Variants in CAMK1D observed in about 807,000 individuals in gnomAD.
CAMK1D encodes the protein calcium/calmodulin-dependent protein kinase type 1D.
In CAMK1D, 9 loss-of-function variants were observed where a neutral mutation model predicts 47.7. That is an observed-to-expected ratio of 0.19 (90% confidence interval 0.11 to 0.33). CAMK1D has a LOEUF of 0.33. CAMK1D is among the 10% of genes least tolerant of loss of function. The pLI is 1.00. For missense variants in CAMK1D, 291 were observed against 488.7 expected (o/e 0.60, Z 3.81); for synonymous variants, 184 against 184.9 (o/e 0.99, Z 0.04).
chr10:12,800,581 T>C (rs142119341), intron 6 of CAMK1D, among the ~76,000 whole-genome samples: 1 of 152,230 alleles, frequency 6.6e-6, no homozygotes, highest in African/African-American at 2.4e-5. Flanking sequence ...CAGACCCCCA[T>C]TGGGCCTGGG....
At chr10:12,363,672 T>G (rs1264044079) in intron 1 of CAMK1D, among the ~76,000 whole-genome samples, 1 of 151,040 alleles carries the variant, frequency 6.6e-6, no homozygotes, top group Non-Finnish European at 1.5e-5. Context: ...AAGGTTTTTT[T>G]TTTTTTTTTT....
intron 1 of CAMK1D, among the ~76,000 whole-genome samples, chr10:12,407,066 T>C (rs1839459384): frequency 6.6e-6 from 1 of 152,174 alleles, no homozygotes; most frequent in Non-Finnish European, 1.5e-5. Flanking sequence ...CTTCTCCTCT[T>C]CCTCTGTCCC....
At chr10:12,467,868 T>C (rs1407317520) in intron 1 of CAMK1D, among the ~76,000 whole-genome samples, 1 of 152,214 alleles carries the variant, frequency 6.6e-6, no homozygotes. Flanking sequence ...TTAAATGGAA[T>C]TTTTTATTGA....
chr10:12,392,645 G>A (rs1238155178), intron 1 of CAMK1D, among the ~76,000 whole-genome samples: 1 of 152,088 alleles, frequency 6.6e-6, no homozygotes, highest in African/African-American at 2.4e-5. Flanking sequence ...TAACATACTT[G>A]TTTTGTAGTG....
intron 1 of CAMK1D, among the ~76,000 whole-genome samples, chr10:12,469,015 GA>G (rs1833673082): frequency 6.6e-6 from 1 of 152,132 alleles, no homozygotes; most frequent in East Asian, 1.9e-4. Context: ...CAAGGTGGGG[GA>G]TTCACATGGA....
At chr10:12,394,554 C>A (rs963408245) in intron 1 of CAMK1D, among the ~76,000 whole-genome samples, 1 of 152,072 alleles carries the variant, frequency 6.6e-6, no homozygotes, top group African/African-American at 2.4e-5. Flanking sequence ...TTCCTTTCAC[C>A]CCATCACTCC....
At chr10:12,514,068 G>A (rs1344757215) in intron 1 of CAMK1D, among the ~76,000 whole-genome samples, 1 of 152,190 alleles carries the variant, frequency 6.6e-6, no homozygotes, top group Non-Finnish European at 1.5e-5. Flanking sequence ...AGAGAGAACA[G>A]AGTTTCCCTG....
chr10:12,473,453 A>G (rs941992158), intron 1 of CAMK1D, among the ~76,000 whole-genome samples: 3 of 152,132 alleles, frequency 2.0e-5, no homozygotes, highest in Non-Finnish European at 4.4e-5. Flanking sequence ...AAAAAACTGT[A>G]ACAATAATGA....
At chr10:12,731,020 G>A (rs1834858559) in intron 3 of CAMK1D, among the ~76,000 whole-genome samples, 2 of 152,146 alleles carry the variant, frequency 1.3e-5, no homozygotes, top group African/African-American at 4.8e-5. Context: ...GCTGGCAGGG[G>A]AAATGAGATC....
chr10:12,417,317 G>A (rs553088998), intron 1 of CAMK1D, among the ~76,000 whole-genome samples: 1 of 152,296 alleles, frequency 6.6e-6, no homozygotes, highest in South Asian at 2.1e-4. Context: ...CTACACTGTG[G>A]ATTTGGGTGA....
intron 1 of CAMK1D, among the ~76,000 whole-genome samples, chr10:12,524,128 G>A (rs1056016399): frequency 9.3e-5 from 14 of 151,226 alleles, no homozygotes; most frequent in African/African-American, 3.2e-4. Flanking sequence ...TCCTGACATC[G>A]TAATTTTTTG....
chr10:12,566,540 G>C (rs1646393289), intron 2 of CAMK1D, among the ~76,000 whole-genome samples: 2 of 152,200 alleles, frequency 1.3e-5, no homozygotes, highest in African/African-American at 4.8e-5. Context: ...ATTAGAACTA[G>C]AAAAGGAACT....
At chr10:12,612,356 T>C (rs1243009682) in intron 2 of CAMK1D, among the ~76,000 whole-genome samples, 2 of 151,220 alleles carry the variant, frequency 1.3e-5, no homozygotes, top group South Asian at 2.1e-4. Flanking sequence ...TTTTTTTTTT[T>C]TTTGAGACAG....
intron 1 of CAMK1D, among the ~76,000 whole-genome samples, chr10:12,488,868 G>A (rs898664756): frequency 6.6e-6 from 1 of 152,212 alleles, no homozygotes; most frequent in African/African-American, 2.4e-5. Context: ...GGGATGGGGA[G>A]CGGCTGTAAA....
chr10:12,369,944 A>C (rs1408800568), intron 1 of CAMK1D, among the ~76,000 whole-genome samples: 1 of 150,696 alleles, frequency 6.6e-6, no homozygotes, highest in Non-Finnish European at 1.5e-5. Flanking sequence ...TAACAGAGTG[A>C]GACTCTGTCT....
intron 2 of CAMK1D, 102 bp downstream of exon 2, chr10:12,553,458 C>T (rs751503100): frequency 5.5e-6 from 5 of 915,226 alleles, no homozygotes; most frequent in Admixed American, 2.1e-5. Context: ...GGCAGAGGGG[C>T]CCCCAGAGGA....
intron 2 of CAMK1D, among the ~76,000 whole-genome samples, chr10:12,569,364 T>C (rs1697848068): frequency 6.6e-6 from 1 of 152,192 alleles, no homozygotes; most frequent in South Asian, 2.1e-4. Flanking sequence ...TTTCGAACTC[T>C]GTTTACTCGG....
At chr10:12,808,834 G>C (rs1311483653) in intron 6 of CAMK1D, among the ~76,000 whole-genome samples, 2 of 151,708 alleles carry the variant, frequency 1.3e-5, no homozygotes, top group African/African-American at 2.4e-5. Context: ...GATCCATACA[G>C]GGCTGGGTGT....
intron 1 of CAMK1D, among the ~76,000 whole-genome samples, chr10:12,368,198 C>CAAAA (rs759817546): frequency 1.8e-4 from 16 of 89,902 alleles, no homozygotes; most frequent in South Asian, 1.1e-3. Context: ...GACTCCGTCT[C>CAAAA]AAAAAAAAAA....
Sources: gnomAD v4.1 joint callset for allele counts (sites outside exome capture counted in the v4.1 genomes callset) on GRCh38, gnomAD v4.1.1 for gene constraint, MANE v1.5 for transcripts, NCBI Gene and HGNC (gene_info 2026-07-23, HGNC 2026-07-21) for gene names.